The following GPC6 variants were observed in gnomAD, a reference collection of about 807,000 sequenced individuals.
The protein encoded by GPC6 is glypican-6.
Under a neutral mutation model 55.2 loss-of-function variants are expected in GPC6, and 14 were observed. The ratio of observed to expected loss-of-function variants is 0.25; its 90% CI spans 0.17 to 0.40. The LOEUF is 0.40. GPC6 is among the 10% of genes least tolerant of loss of function. The pLI is 1.00. For synonymous variants in GPC6, 278 were observed against 259.6 expected (o/e 1.07, Z -0.68); for missense variants, 641 against 708.5 (o/e 0.90, Z 1.08).
At chr13:93,926,451 A>G (rs1877864328) in intron 3 of GPC6, among the ~76,000 whole-genome samples, 1 of 152,200 alleles carries the variant, frequency 6.6e-6, no homozygotes, top group African/African-American at 2.4e-5. Context: ...CTAGGCAGGA[A>G]AAATGTCAGA....
At chr13:94,086,589 A>T (rs1206908917) in intron 4 of GPC6, among the ~76,000 whole-genome samples, 1 of 152,248 alleles carries the variant, frequency 6.6e-6, no homozygotes, top group Non-Finnish European at 1.5e-5. Context: ...AACCAAGAAC[A>T]GAAGTCTTGT....
At chr13:93,818,165 A>G in intron 2 of GPC6, among the ~76,000 whole-genome samples, 1 of 149,736 alleles carries the variant, frequency 6.7e-6, no homozygotes, top group Non-Finnish European at 1.5e-5. Context: ...AAGGTAGGAT[A>G]TAGTAGAATA....
intron 1 of GPC6, among the ~76,000 whole-genome samples, chr13:93,484,984 A>G (rs186164525): frequency 1.3e-5 from 2 of 152,338 alleles, no homozygotes; most frequent in South Asian, 2.1e-4. Context: ...AAATTTTCTT[A>G]TAGTTTCCAA....
intron 1 of GPC6, among the ~76,000 whole-genome samples, chr13:93,426,093 T>C (rs1417145083): frequency 6.6e-6 from 1 of 152,190 alleles, no homozygotes; most frequent in East Asian, 1.9e-4. Context: ...TGTTTACATG[T>C]CTGTCTCCTA....
intron 4 of GPC6, among the ~76,000 whole-genome samples, chr13:94,162,222 G>A (rs1360011759): frequency 1.3e-5 from 2 of 152,184 alleles, no homozygotes; most frequent in Non-Finnish European, 2.9e-5. Flanking sequence ...TGGCTCAGCA[G>A]TGTCACCTGG....
intron 3 of GPC6, chr13:93,830,785 A>G (rs1887461112): frequency 6.0e-6 from 3 of 503,956 alleles, no homozygotes; most frequent in Admixed American, 3.4e-5. Flanking sequence ...GTTAATACTT[A>G]TCAGCAGTAT....
chr13:93,723,318 G>A lies in GPC6; in HGVS notation c.320-106836G>A, dbSNP rs181490676. ...GTGTTTTGATGCTGATGTTTCCTAT[G>A]GGAGGCAGTTTCTGATGTGTCTTTT... is the stretch of plus-strand genomic sequence containing the variant. On this transcript the variant is annotated intron_variant, in intron 2 of 8. Coordinates refer to ENST00000377047, the MANE Select transcript of GPC6 (RefSeq NM_005708.5). Among the ~76,000 whole-genome samples, 11 of 151,904 alleles carry A rather than the reference G, an allele frequency of 7.2e-5. No homozygotes were observed. The East Asian group carries it at 1.8e-3, about 24-fold the overall frequency.
At chr13:94,364,345 G>A (rs1172601766) in intron 6 of GPC6, among the ~76,000 whole-genome samples, 1 of 152,142 alleles carries the variant, frequency 6.6e-6, no homozygotes, top group Admixed American at 6.5e-5. Context: ...CTCCCTGGTT[G>A]GTGCCCCATG....
chr13:94,250,993 T>C (rs993633255), intron 4 of GPC6, among the ~76,000 whole-genome samples: 1 of 151,926 alleles, frequency 6.6e-6, no homozygotes, highest in East Asian at 1.9e-4. Flanking sequence ...ATAGGGGAGA[T>C]GGAATTGCCT....
intron 7 of GPC6, among the ~76,000 whole-genome samples, chr13:94,384,611 A>G (rs1467088174): frequency 6.6e-6 from 1 of 152,198 alleles, no homozygotes; most frequent in African/African-American, 2.4e-5. Flanking sequence ...AAGAATATGA[A>G]TGGGGAATAT....
chr13:93,878,708 CAG>C (rs993104525), intron 3 of GPC6, among the ~76,000 whole-genome samples: 1 of 152,046 alleles, frequency 6.6e-6, no homozygotes, highest in Non-Finnish European at 1.5e-5. Flanking sequence ...CATGTGAAGA[CAG>C]AGCCTTCAAG....
chr13:93,617,295 A>C (rs547869849), intron 2 of GPC6, among the ~76,000 whole-genome samples: 9 of 152,242 alleles, frequency 5.9e-5, no homozygotes, highest in African/African-American at 1.9e-4. Context: ...CAGTTTCTTT[A>C]TTTAGTTGTG....
intron 1 of GPC6, among the ~76,000 whole-genome samples, chr13:93,311,407 C>T (rs1879063423): frequency 6.6e-6 from 1 of 152,102 alleles, no homozygotes; most frequent in Non-Finnish European, 1.5e-5. Flanking sequence ...TTTGAAGGCC[C>T]TGGACTCATC....
chr13:93,300,215 C>G (rs781382467), intron 1 of GPC6, among the ~76,000 whole-genome samples: 2 of 152,140 alleles, frequency 1.3e-5, no homozygotes, highest in African/African-American at 4.8e-5. Flanking sequence ...TAGTGAAATC[C>G]TTAATGGCTT....
chr13:93,371,427 T>C (rs1874646325), intron 1 of GPC6, among the ~76,000 whole-genome samples: 1 of 152,118 alleles, frequency 6.6e-6, no homozygotes, highest in Non-Finnish European at 1.5e-5. Context: ...TTGGGTGATC[T>C]GGAAAAAATG....
In GPC6 at chr13:93,413,364, A is replaced by G. The variant is rs139918525; in HGVS notation, c.161-131899A>G. ...GTCTATTTAAAAATCTATTTACATG[A>G]CTGTGTATAACCCTCTGAGTGAACC... On this transcript the variant is annotated intron_variant, in intron 1 of 8. Transcript: ENST00000377047. Among the ~76,000 whole-genome samples the G allele has an allele frequency of 3.3e-5, 5 of 152,252 alleles. No individual in the cohort carries two copies. In the East Asian group the frequency reaches 5.8e-4, roughly 18 times the overall value.
chr13:93,504,089 G>T (rs1419127251), intron 1 of GPC6, among the ~76,000 whole-genome samples: 1 of 152,064 alleles, frequency 6.6e-6, no homozygotes, highest in Non-Finnish European at 1.5e-5. Context: ...TAAAGAAAGA[G>T]TACAACATTA....
At chr13:93,774,236 A>G (rs1321634058) in intron 2 of GPC6, among the ~76,000 whole-genome samples, 1 of 152,130 alleles carries the variant, frequency 6.6e-6, no homozygotes, top group Non-Finnish European at 1.5e-5. Flanking sequence ...TAGAACTGGA[A>G]CATTCAATGG....
intron 4 of GPC6, among the ~76,000 whole-genome samples, chr13:94,043,326 C>T (rs1281732653): frequency 6.6e-6 from 1 of 151,836 alleles, no homozygotes; most frequent in Non-Finnish European, 1.5e-5. Context: ...CTACTTCATA[C>T]ATACTGACAA....
Sources: gnomAD v4.1 joint callset for allele counts (sites outside exome capture counted in the v4.1 genomes callset) on GRCh38, gnomAD v4.1.1 for gene constraint, MANE v1.5 for transcripts, NCBI Gene and HGNC (gene_info 2026-07-23, HGNC 2026-07-21) for gene names.